The following AIRE variants were observed in gnomAD, a reference collection of about 807,000 sequenced individuals.
AIRE encodes the protein autoimmune regulator.
A neutral mutation model predicts 62.1 loss-of-function variants in AIRE; 52 were observed. That is an observed-to-expected ratio of 0.84 (90% confidence interval 0.67 to 1.06). AIRE has a LOEUF of 1.06. AIRE is among the 50% of genes least tolerant of loss of function. AIRE has a pLI of 0.00. For synonymous variants in AIRE, 342 were observed against 321.6 expected, an observed-to-expected ratio of 1.06 and a Z score of -0.68; for missense variants, 774 against 755.8, an observed-to-expected ratio of 1.02 and a Z score of -0.28.
intron 7 of AIRE, chr21:44,290,327 G>A (rs2040523656): frequency 1.0e-6 from 1 of 985,362 alleles, no homozygotes; most frequent in Admixed American, 6.1e-5. Flanking sequence ...TGTACCCGCT[G>A]CTCTCAGCTG....
chr21:44,294,577 C>A, intron 12 of AIRE, 74 bp downstream of exon 12: 1 of 819,412 alleles, frequency 1.2e-6, no homozygotes, highest in Non-Finnish European at 1.8e-6. Flanking sequence ...GTTGGGGGAG[C>A]ACATCTCAGG....
In AIRE at chr21:44,297,015, G is replaced by A. The variant is rs547663529; in HGVS notation, c.1566+570G>A. ...CTCCTCAGTGTCTGATGTGGCACCCGGGGGTCCCAGCTGACCATGGGGCAG... is the reference window on the plus strand; with the variant it reads ...CTCCTCAGTGTCTGATGTGGCACCCAGGGGTCCCAGCTGACCATGGGGCAG... On this transcript the variant is annotated intron_variant, in intron 13 of 13. Transcript: ENST00000291582. The surrounding 1 kb of genome is among the most constrained non-coding windows in gnomAD (Gnocchi z 4.8). 2.0e-5 allele frequency among the ~76,000 whole-genome samples: 3 copies of A among 152,336 alleles called. No homozygotes were observed. Among genetic ancestry groups the A allele is most frequent in the African/African-American group, 7.2e-5 (3 of 41,564 alleles).
chr21:44,287,619 C>T lies in AIRE; in HGVS notation c.538+28C>T, dbSNP rs771814069. ...GAGCGGGGCCCAGTGGGAGCGCCTC[C>T]CTTCTCCCTGGCCAGGGGCAAGGGG... On this transcript the variant is annotated intron_variant, in intron 4 of 13. Transcript: ENST00000291582. The surrounding 1 kb of genome is among the most constrained non-coding windows in gnomAD (Gnocchi z 4.3). 21 of 1,544,252 alleles carry T rather than the reference C, an allele frequency of 1.4e-5. 2 individuals carry two copies. In the South Asian group the frequency reaches 2.5e-4, roughly 18 times the overall value.
intron 11 of AIRE, 61 bp from the exon 12 acceptor site, chr21:44,294,340 A>G (rs1195219658): frequency 2.6e-6 from 3 of 1,143,866 alleles, no homozygotes; most frequent in African/African-American, 3.2e-5. Context: ...CACACCCCAT[A>G]CCCCGGAGGT....
In AIRE at chr21:44,297,253, T is replaced by G. The variant is rs2040619312; in HGVS notation, c.1567-403T>G. On this transcript the variant is annotated intron_variant, in intron 13 of 13. Coordinates refer to ENST00000291582, the MANE Select transcript of AIRE (RefSeq NM_000383.4). This position sits in a 1 kb window ranked among gnomAD's most constrained non-coding sequence, Gnocchi z 4.8. ...TATTCTGCTGGCATCGTGGGGCCCG[T>G]GGCCCCATCCTGTGGGAGCATCAGG... 6.6e-6 allele frequency among the ~76,000 whole-genome samples: 1 copy of G among 152,198 alleles called. No homozygotes were observed. Among genetic ancestry groups the G allele is most frequent in the East Asian group, 1.9e-4 (1 of 5,182 alleles).
intron 12 of AIRE, 117 bp from the exon 13 acceptor site, chr21:44,296,264 GTA>G (rs1433079857): frequency 6.3e-6 from 6 of 953,884 alleles, no homozygotes; most frequent in Non-Finnish European, 1.0e-5. Context: ...GGAGCTGGGT[GTA>G]AGAATTCCCA....
chr21:44,296,730 C>CA lies in AIRE; in HGVS notation c.1566+286dup, dbSNP rs573726024. 9.9e-5 allele frequency among the ~76,000 whole-genome samples: 15 copies of CA among 151,358 alleles called. No homozygotes were observed. The South Asian group carries it at 1.5e-3, about 15-fold the overall frequency. The stretch of plus-strand genomic sequence containing the variant: ...CCAGCCCCTCCCCAACAAGAGCCCC[C>CA]ACACGGCCCCTCCCCTGAGGGCCTG... On this transcript the variant is annotated intron_variant, in intron 13 of 13. Coordinates refer to ENST00000291582, the MANE Select transcript of AIRE (RefSeq NM_000383.4).
chr21:44,296,676 CT>C lies in AIRE; in HGVS notation c.1566+232del, dbSNP rs1216084459. 1.9e-4 allele frequency among the ~76,000 whole-genome samples: 28 copies of C among 151,092 alleles called. No individual in the cohort carries two copies. In the East Asian group the frequency reaches 5.3e-3, roughly 29 times the overall value. On this transcript the variant is annotated intron_variant, in intron 13 of 13. Transcript: ENST00000291582. ...CAGGAGCCCCCCCCGGCCCCTCCCC[CT>C]GCGGGAGCCCAGTGCTGCTGAGCGC...
Position 44,286,560 on chromosome 21 carries a change from A to G in AIRE, c.136A>G (p.Thr46Ala). Residue 46 changes from threonine (T) to alanine (A), a missense_variant, in exon 2 of 14, where the codon ACG (threonine) becomes GCG (alanine). Thr to Ala is a moderately conservative substitution (Grantham distance 58). Around this residue, in one of 3 missense-constraint regions of AIRE, gnomAD observed 385 missense variants for 396.0 expected, o/e 0.97. Coordinates refer to ENST00000291582, the MANE Select transcript of AIRE (RefSeq NM_000383.4). The surrounding 1 kb of genome is among the most constrained non-coding windows in gnomAD (Gnocchi z 6.0). ...CCCTCATGCCACCCCACTGCAGGAG[A>G]CGCTTCATCTGAAGGAAAAGGAGGG... ...DVVPEDKFQETLHLKEKEGCP... is the reference protein window; with the variant it reads ...DVVPEDKFQEALHLKEKEGCP... 6.2e-7 allele frequency: 1 copy of G among 1,608,396 alleles called. No homozygotes were observed.
chr21:44,290,397 T>C, intron 7 of AIRE: 2 of 985,406 alleles, frequency 2.0e-6, no homozygotes, highest in African/African-American at 1.7e-5. Flanking sequence ...CCACTGGGAA[T>C]GCCATGCTCA....
rs748444068 is a variant in AIRE at position 44,293,816 on chromosome 21, G to A, written c.1306G>A (p.Val436Met). 5 of 1,596,794 alleles carry A rather than the reference G, an allele frequency of 3.1e-6. No homozygotes were observed. The highest frequency in any genetic ancestry group is 3.3e-5 in the Admixed American group (2 of 59,976). The change falls in exon 11 of 14, where the codon GTG becomes ATG. Residue 436 changes from valine to methionine, a missense_variant. Val to Met is a conservative substitution (Grantham distance 21). This residue lies in a region of AIRE where 354 missense variants were observed against 296.1 expected (regional missense o/e 1.20). Coordinates refer to ENST00000291582, the MANE Select transcript of AIRE (RefSeq NM_000383.4). ...CCTGGCTCCTGGTGCGCGTTGCGGG[G>A]TGTGCGGAGATGGTACGGACGTGCT... Reference protein sequence around the residue: ...QNLAPGARCGVCGDGTDVLRC... With the variant: ...QNLAPGARCGMCGDGTDVLRC...
At chr21:44,293,422 G>A (rs372131123) in intron 10 of AIRE, among the ~76,000 whole-genome samples, 197 of 152,146 alleles carry the variant, frequency 1.3e-3, no homozygotes, top group African/African-American at 4.1e-3. Context: ...AGGGGGGGAT[G>A]TCCCAGCACA....
rs376901046 is a variant in AIRE, at chr21:44,292,372, C to T, written c.1066C>T (p.Arg356Trp). The T allele has an allele frequency of 3.7e-4, 573 of 1,562,174 alleles. No homozygotes were observed. Among genetic ancestry groups the T allele is most frequent in the Non-Finnish European group, 4.6e-4 (531 of 1,153,118 alleles). ...GGTGCAGCCCCGGGCAGAGGAGCCC[C>T]GGCCCCAGGAGCCACCCGTGGAGAC... The part of the protein sequence containing the change: ...QEVQPRAEEP[R>W]PQEPPVETPL... The change falls in exon 9 of 14, where the codon CGG becomes TGG. Residue 356 changes from arginine to tryptophan, a missense_variant. Physicochemically the swap from Arg to Trp is moderately radical, Grantham distance 101. Around this residue, in one of 3 missense-constraint regions of AIRE, gnomAD observed 354 missense variants for 296.1 expected, o/e 1.20. Coordinates refer to ENST00000291582, the MANE Select transcript of AIRE (RefSeq NM_000383.4).
chr21:44,289,342 G>A (rs1030891172), intron 5 of AIRE: 5 of 411,712 alleles, frequency 1.2e-5, no homozygotes, highest in African/African-American at 1.0e-4. Context: ...TCTTTATAAG[G>A]ACACCAGTCA....
intron 5 of AIRE, chr21:44,288,776 G>A (rs1056154512): frequency 1.2e-5 from 4 of 326,956 alleles, no homozygotes; most frequent in African/African-American, 8.3e-5. Context: ...AGTTCTGCCT[G>A]TGCTGCTGAG....
intron 13 of AIRE, among the ~76,000 whole-genome samples, chr21:44,296,808 GA>G (rs1410532304): frequency 2.0e-5 from 3 of 150,222 alleles, no homozygotes; most frequent in Non-Finnish European, 4.5e-5. Context: ...CTTTCCCAGG[GA>G]GGGTGGGGCG....
chr21:44,286,907 A>G lies in AIRE; in HGVS notation c.308-71A>G. The G allele has an allele frequency of 6.2e-7, 1 of 1,607,086 alleles. No individual in the cohort carries two copies. Among genetic ancestry groups the G allele is most frequent in the Non-Finnish European group, 8.5e-7 (1 of 1,175,584 alleles). On this transcript the variant is annotated intron_variant, in intron 2 of 13. Coordinates refer to ENST00000291582, the MANE Select transcript of AIRE (RefSeq NM_000383.4). The surrounding 1 kb of genome is among the most constrained non-coding windows in gnomAD (Gnocchi z 6.0). ...CCTCACCTGTCTGGCCAAGGTGTCC[A>G]GTTCTGGGGCCCACCCTACCCCTGG... is the stretch of plus-strand genomic sequence containing the variant.
At chr21:44,291,255 C>A in intron 8 of AIRE, 45 bp downstream of exon 8, 1 of 1,590,800 alleles carries the variant, frequency 6.3e-7, no homozygotes, top group Admixed American at 1.7e-5. Flanking sequence ...CCCCGGTTCA[C>A]GGCCGCCTCC....
At chr21:44,291,516 T>A (rs1366418932) in intron 8 of AIRE, among the ~76,000 whole-genome samples, 1 of 151,926 alleles carries the variant, frequency 6.6e-6, no homozygotes, top group African/African-American at 2.4e-5. Context: ...CACGCCCCCA[T>A]GGGTAGCCGG....
Sources: gnomAD v4.1 joint callset for allele counts (sites outside exome capture counted in the v4.1 genomes callset) on GRCh38, gnomAD v4.1.1 for gene constraint, gnomAD v4.1.1 regional missense constraint, Gnocchi (gnomAD v3.1) non-coding constraint, MANE v1.5 for transcripts, NCBI Gene and HGNC (gene_info 2026-07-23, HGNC 2026-07-21) for gene names.